LRRTM3: variants seen among roughly 807,000 people sequenced by gnomAD.
LRRTM3 encodes leucine rich repeat transmembrane neuronal 3, also known as leucine-rich repeat transmembrane neuronal protein 3.
LRRTM3 carries 24 observed loss-of-function variants against 44.7 expected under a neutral mutation model. That is an observed-to-expected ratio of 0.54 (90% CI 0.39 to 0.76). The LOEUF is 0.76. Among genes scored for constraint, LRRTM3 ranks in the 30% least tolerant of loss-of-function variants. LRRTM3 has a pLI of 0.00. For missense variants in LRRTM3, 587 were observed against 702.2 expected (o/e 0.84, Z 1.85); for synonymous variants, 277 against 278.7 (o/e 0.99, Z 0.06).
At chr10:67,063,432 G>GA (rs1225037653) in intron 2 of LRRTM3, among the ~76,000 whole-genome samples, 4 of 152,146 alleles carry the variant, frequency 2.6e-5, no homozygotes, top group African/African-American at 4.8e-5. Context: ...ATTCATTAAA[G>GA]AAAAGGTTAT....
rs1858175533 is a variant in LRRTM3, at chr10:67,099,008, C to A, written c.*1212C>A. On this transcript the variant is annotated 3_prime_UTR_variant, in exon 3 of 3. Transcript: ENST00000361320. ...GAATTTTAAACATGTACAGCTCATT[C>A]AATATAGATATGAGCCATGGTGGAG... is the stretch of plus-strand genomic sequence containing the variant. 6.6e-6 allele frequency: 1 copy of A among 151,742 alleles called. No individual in the cohort carries two copies. 9.4% of individuals were successfully genotyped at this position (151,742 alleles called of 1,614,324 possible). A position where few individuals can be genotyped will look rare whatever the true frequency, so the allele number is the denominator to read the frequency against.
At chr10:67,016,610 G>A (rs910486102) in intron 2 of LRRTM3, among the ~76,000 whole-genome samples, 5 of 152,116 alleles carry the variant, frequency 3.3e-5, no homozygotes, top group Admixed American at 2.6e-4. Context: ...TATGTATCAC[G>A]CAGAAACTAA....
intron 2 of LRRTM3, among the ~76,000 whole-genome samples, chr10:67,012,098 C>T (rs968799287): frequency 6.6e-6 from 1 of 152,204 alleles, no homozygotes; most frequent in Non-Finnish European, 1.5e-5. Context: ...AAGTCAAACA[C>T]AACTCTCTCT....
chr10:66,971,295 G>A (rs1849708409), intron 2 of LRRTM3, among the ~76,000 whole-genome samples: 1 of 152,024 alleles, frequency 6.6e-6, no homozygotes, highest in African/African-American at 2.4e-5. Flanking sequence ...GCATGGTTGT[G>A]TGAGCCTGTA....
chr10:67,096,908 C>T (rs1858025424), intron 2 of LRRTM3, among the ~76,000 whole-genome samples: 1 of 151,856 alleles, frequency 6.6e-6, no homozygotes, highest in Non-Finnish European at 1.5e-5. Context: ...GACCAAACTA[C>T]AGACATTAAT....
At chr10:67,008,733 G>T (rs1852155499) in intron 2 of LRRTM3, among the ~76,000 whole-genome samples, 1 of 152,116 alleles carries the variant, frequency 6.6e-6, no homozygotes, top group South Asian at 2.1e-4. Context: ...CCTCCAGTAG[G>T]CTAGCTCAGG....
chr10:66,956,788 G>A (rs2132748450), intron 2 of LRRTM3, among the ~76,000 whole-genome samples: 1 of 152,298 alleles, frequency 6.6e-6, no homozygotes. Context: ...TCTAAGAGGA[G>A]CCAGAAAACT....
intron 2 of LRRTM3, among the ~76,000 whole-genome samples, chr10:67,097,267 CA>C (rs1361403247): frequency 3.3e-5 from 5 of 151,908 alleles, no homozygotes; most frequent in African/African-American, 1.2e-4. Flanking sequence ...TCTAAAAACA[CA>C]ATTATTTTCC....
chr10:67,000,997 A>G (rs1049444369), intron 2 of LRRTM3, among the ~76,000 whole-genome samples: 3 of 152,154 alleles, frequency 2.0e-5, no homozygotes, highest in Non-Finnish European at 4.4e-5. Context: ...GAATAGTCCA[A>G]GAAAGGACGA....
At chr10:66,993,079 C>T (rs574968786) in intron 2 of LRRTM3, among the ~76,000 whole-genome samples, 186 of 152,196 alleles carry the variant, frequency 1.2e-3, no homozygotes, top group African/African-American at 4.0e-3. Flanking sequence ...ATGGTATCAG[C>T]CCAGGCACTG....
intron 2 of LRRTM3, among the ~76,000 whole-genome samples, chr10:67,052,960 G>C (rs1855203418): frequency 6.6e-6 from 1 of 152,088 alleles, no homozygotes; most frequent in Non-Finnish European, 1.5e-5. Context: ...TTACCTCAAA[G>C]TATGTTCATT....
intron 2 of LRRTM3, among the ~76,000 whole-genome samples, chr10:67,009,181 T>C (rs566907479): frequency 1.9e-4 from 29 of 152,254 alleles, no homozygotes; most frequent in African/African-American, 6.5e-4. Flanking sequence ...ATGTAAGTCT[T>C]TATTTCAGGA....
chr10:67,005,687 T>TTTTTTTTTTGTTTGTTTG (rs1554895957), intron 2 of LRRTM3, among the ~76,000 whole-genome samples: 1 of 102,258 alleles, frequency 9.8e-6, no homozygotes, highest in African/African-American at 3.1e-5. Flanking sequence ...TCCATCTTTT[T>TTTTTTTTTTGTTTGTTTG]TTTTTTTTTT....
intron 2 of LRRTM3, among the ~76,000 whole-genome samples, chr10:67,095,625 G>T (rs1028975372): frequency 2.0e-5 from 3 of 151,760 alleles, no homozygotes; most frequent in African/African-American, 7.3e-5. Flanking sequence ...CATCACCATA[G>T]AAATTACAAA....
At chr10:67,095,034 T>C (rs1198238090) in intron 2 of LRRTM3, among the ~76,000 whole-genome samples, 1 of 139,470 alleles carries the variant, frequency 7.2e-6, no homozygotes, top group Non-Finnish European at 1.5e-5. Flanking sequence ...TATATACATA[T>C]ATGTTTATAT....
chr10:67,052,146 A>AT (rs1207604981), intron 2 of LRRTM3, among the ~76,000 whole-genome samples: 1 of 152,138 alleles, frequency 6.6e-6, no homozygotes, highest in East Asian at 1.9e-4. Context: ...AGTTACAAGC[A>AT]TTGAGTTTTC....
chr10:67,071,141 T>G (rs937539636), intron 2 of LRRTM3, among the ~76,000 whole-genome samples: 5 of 152,202 alleles, frequency 3.3e-5, no homozygotes, highest in African/African-American at 1.2e-4. Flanking sequence ...TCACTCTTAT[T>G]GTTCAATATA....
intron 2 of LRRTM3, among the ~76,000 whole-genome samples, chr10:66,965,858 T>C (rs1320050899): frequency 3.9e-5 from 6 of 152,178 alleles, no homozygotes; most frequent in African/African-American, 7.2e-5. Context: ...TTTCATGAAA[T>C]GTGCCTTCCC....
chr10:67,085,556 T>C (rs1310089178), intron 2 of LRRTM3, among the ~76,000 whole-genome samples: 1 of 152,008 alleles, frequency 6.6e-6, no homozygotes, highest in African/African-American at 2.4e-5. Context: ...TATTAAAATA[T>C]CAACAAGAAG....
Sources: allele counts gnomAD v4.1 joint callset (sites outside exome capture counted in the v4.1 genomes callset), GRCh38; gene constraint gnomAD v4.1.1; transcripts MANE v1.5; gene names NCBI Gene and HGNC (gene_info 2026-07-23, HGNC 2026-07-21).